The following PLCE1 variants were observed in gnomAD, a reference collection of about 807,000 sequenced individuals.
PLCE1 encodes the protein phospholipase C epsilon 1.
Under a neutral mutation model 242.8 loss-of-function variants are expected in PLCE1, and 119 were observed. That is an observed-to-expected ratio of 0.49 (90% confidence interval 0.42 to 0.57). PLCE1 has a LOEUF of 0.57. Ranked by LOEUF, PLCE1 falls within the 20% of genes least tolerant of loss-of-function variation. The pLI is 0.00. For missense variants in PLCE1, 2,441 were observed against 2,788.8 expected (o/e 0.88, Z 2.81); for synonymous variants, 945 against 1,017.4 (o/e 0.93, Z 1.35).
intron 11 of PLCE1, among the ~76,000 whole-genome samples, chr10:94,255,744 G>A (rs1297132603): frequency 6.6e-6 from 1 of 152,036 alleles, no homozygotes; most frequent in East Asian, 1.9e-4. Flanking sequence ...CTCAGAAGAA[G>A]GAATGATATT....
intron 21 of PLCE1, among the ~76,000 whole-genome samples, chr10:94,284,429 G>T (rs2052363132): frequency 6.6e-6 from 1 of 152,170 alleles, no homozygotes; most frequent in African/African-American, 2.4e-5. Flanking sequence ...AGAATAGGAA[G>T]ATAAATGAGA....
chr10:94,176,115 T>C lies in PLCE1; in HGVS notation c.1809+4619T>C, dbSNP rs1487084248. ...TGCGAGATCACTGAAGACATACTTA[T>C]TGGCTGGGCATAGCAGCTCATACCT... is the stretch of plus-strand genomic sequence containing the variant. On this transcript the variant is annotated intron_variant, in intron 4 of 32. Transcript: ENST00000371380. 3.9e-5 allele frequency among the ~76,000 whole-genome samples: 6 copies of C among 152,156 alleles called. No homozygotes were observed. The South Asian group carries it at 1.2e-3, about 32-fold the overall frequency.
rs2134491266 is a variant in PLCE1 at position 94,031,271 on chromosome 10, A to G, written c.225A>G (p.Ile75Met). 6.2e-7 allele frequency: 1 copy of G among 1,613,922 alleles called. No individual in the cohort carries two copies. Among genetic ancestry groups the G allele is most frequent in the South Asian group, 1.1e-5 (1 of 91,084 alleles). Residue 75 changes from isoleucine (I) to methionine (M), a missense_variant, in exon 2 of 33, where the codon ATA becomes ATG. Physicochemically the swap from Ile to Met is conservative, Grantham distance 10. Around this residue, in one of 5 missense-constraint regions of PLCE1, gnomAD observed 393 missense variants for 378.5 expected, o/e 1.04. Transcript: ENST00000371380. ...GCAACTTGCCAAAGATTCTCTCAAT[A>G]GCGAGGGAGAAAATAGTGAGTGATG... ...SGSNLPKILS[I>M]AREKIVSDEN...
chr10:94,061,148 C>A (rs569404012), intron 2 of PLCE1, among the ~76,000 whole-genome samples: 1 of 152,134 alleles, frequency 6.6e-6, no homozygotes, highest in Non-Finnish European at 1.5e-5. Flanking sequence ...TCAAGCAAAA[C>A]CTGCTTTTTG....
chr10:94,187,321 T>C (rs574877507), intron 4 of PLCE1, among the ~76,000 whole-genome samples: 1 of 152,206 alleles, frequency 6.6e-6, no homozygotes, highest in South Asian at 2.1e-4. Context: ...GGGCAGTATC[T>C]CCCAACATGA....
intron 1 of PLCE1, among the ~76,000 whole-genome samples, chr10:94,015,330 A>C (rs2061257540): frequency 6.6e-6 from 1 of 152,172 alleles, no homozygotes; most frequent in East Asian, 1.9e-4. Context: ...CAAGGTTATT[A>C]GTCAGGATAG....
At chr10:94,257,853 T>C (rs1420621030) in intron 11 of PLCE1, among the ~76,000 whole-genome samples, 1 of 152,156 alleles carries the variant, frequency 6.6e-6, no homozygotes. Flanking sequence ...CATACCAACA[T>C]GGCACATGTA....
At chr10:94,046,851 G>T (rs2061894379) in intron 2 of PLCE1, among the ~76,000 whole-genome samples, 1 of 152,132 alleles carries the variant, frequency 6.6e-6, no homozygotes. Context: ...TCTTAGAGTT[G>T]TTGTAAAGAT....
At chr10:94,177,002 T>A (rs896574972) in intron 4 of PLCE1, among the ~76,000 whole-genome samples, 1 of 152,142 alleles carries the variant, frequency 6.6e-6, no homozygotes, top group Non-Finnish European at 1.5e-5. Context: ...GTTTTTGTCA[T>A]GAGCAAGACT....
intron 19 of PLCE1, among the ~76,000 whole-genome samples, chr10:94,276,516 A>G (rs2051961008): frequency 6.6e-6 from 1 of 152,216 alleles, no homozygotes; most frequent in South Asian, 2.1e-4. Flanking sequence ...CTGTTTATAT[A>G]AAAATAATTC....
chr10:94,263,950 T>C (rs1054760433), intron 14 of PLCE1, among the ~76,000 whole-genome samples: 1 of 152,092 alleles, frequency 6.6e-6, no homozygotes, highest in Non-Finnish European at 1.5e-5. Flanking sequence ...TTAGTCTAGG[T>C]TTTCAACCTC....
At chr10:94,240,655 G>T (rs2050474954) in intron 7 of PLCE1, among the ~76,000 whole-genome samples, 1 of 151,914 alleles carries the variant, frequency 6.6e-6, no homozygotes, top group Admixed American at 6.6e-5. Flanking sequence ...CACTTACAAA[G>T]AAAATATTTA....
rs145252231 is a variant in PLCE1 at position 94,146,414 on chromosome 10, G to A, written c.1492+13955G>A. Among the ~76,000 whole-genome samples the A allele has an allele frequency of 1.6e-3, 239 of 152,266 alleles. 2 individuals carry two copies. The highest frequency in any genetic ancestry group is 4.7e-3 in the African/African-American group (197 of 41,538). On this transcript the variant is annotated intron_variant, in intron 3 of 32. Transcript: ENST00000371380. ...ACAGCACCATTGTAAAAAATCTCCC[G>A]CCTCGTGCCAAGGGGTCCGTGCTGC...
At chr10:94,268,818 T>C (rs1295221007) in intron 16 of PLCE1, 111 bp from the exon 17 acceptor site, 1 of 719,190 alleles carries the variant, frequency 1.4e-6, no homozygotes, top group African/African-American at 1.7e-5. Context: ...GCCCTTCTGC[T>C]TTAGTCCTGA....
rs1590099885 is a variant in PLCE1 at position 94,136,558 on chromosome 10, A to G, written c.1492+4099A>G. Among the ~76,000 whole-genome samples, 3 of 152,282 alleles carry G rather than the reference A, an allele frequency of 2.0e-5. No individual in the cohort carries two copies. The South Asian group carries it at 6.2e-4, about 32-fold the overall frequency. On this transcript the variant is annotated intron_variant, in intron 3 of 32. Transcript: ENST00000371380. ...GATGGGGGTCGTGGTCACCTGTACT[A>G]GGCGAAAATAGAAGGAAATGTCCAA... is the stretch of plus-strand genomic sequence containing the variant.
chr10:94,200,725 G>A (rs540743188), intron 4 of PLCE1, among the ~76,000 whole-genome samples: 46 of 152,178 alleles, frequency 3.0e-4, no homozygotes, highest in African/African-American at 1.1e-3. Flanking sequence ...TGAGAAATAT[G>A]ACCTCAGCCA....
chr10:94,201,753 A>G (rs1214767367), intron 4 of PLCE1, among the ~76,000 whole-genome samples: 3 of 152,214 alleles, frequency 2.0e-5, no homozygotes, highest in Non-Finnish European at 4.4e-5. Context: ...TGCTGGGATT[A>G]CAGGCGTGAG....
At chr10:94,090,489 G>A (rs1454636280) in intron 2 of PLCE1, among the ~76,000 whole-genome samples, 8 of 152,156 alleles carry the variant, frequency 5.3e-5, no homozygotes, top group Non-Finnish European at 1.2e-4. Flanking sequence ...CATTTTTCCT[G>A]TCCAAAGTTG....
intron 17 of PLCE1, among the ~76,000 whole-genome samples, chr10:94,269,347 C>T (rs571034720): frequency 3.3e-5 from 5 of 152,034 alleles, no homozygotes; most frequent in Non-Finnish European, 7.4e-5. Flanking sequence ...AGTGCTCCGC[C>T]CGCCCCTCAG....
Sources: gnomAD v4.1 joint callset for allele counts (sites outside exome capture counted in the v4.1 genomes callset) on GRCh38, gnomAD v4.1.1 for gene constraint, gnomAD v4.1.1 regional missense constraint, MANE v1.5 for transcripts, NCBI Gene and HGNC (gene_info 2026-07-23, HGNC 2026-07-21) for gene names.